Variants in FKBP3 observed in about 807,000 individuals in gnomAD.
FKBP3 encodes the protein peptidyl-prolyl cis-trans isomerase FKBP3.
A neutral mutation model predicts 30.6 loss-of-function variants in FKBP3; 21 were observed. The observed-to-expected ratio is 0.69, with a 90% CI of 0.49 to 0.99. The LOEUF (loss-of-function observed/expected upper bound fraction) is 0.99, where lower values mean the gene tolerates loss of function less well. Ranked by LOEUF, FKBP3 falls within the 50% of genes least tolerant of loss-of-function variation. The probability of loss-of-function intolerance (pLI) is 0.00; values close to 1 mark genes in which losing one functional copy is unlikely to be tolerated. For synonymous variants in FKBP3, 82 were observed against 91.3 expected, an observed-to-expected ratio of 0.90 and a Z score of 0.58; for missense variants, 283 against 261.6, an observed-to-expected ratio of 1.08 and a Z score of -0.56.
chr14:45,127,129 T>C (rs1885117981), intron 3 of FKBP3, among the ~76,000 whole-genome samples: 1 of 145,346 alleles, frequency 6.9e-6, no homozygotes, highest in Non-Finnish European at 1.5e-5. Context: ...TTTTTTTTTT[T>C]TGAGACAGAG....
chr14:45,118,215 C>CA lies in FKBP3; in HGVS notation c.523-91dup, dbSNP rs1423873974. ...GTCAAGACAAGATTGTATGTTAAAA[C>CA]AAACACAGAATCTATTACTATAGAT... On this transcript the variant is annotated intron_variant, in intron 5 of 6. Transcript: ENST00000396062. 3 of 720,976 alleles carry CA rather than the reference C, an allele frequency of 4.2e-6. No individual in the cohort carries two copies. The African/African-American group carries it at 5.5e-5, about 13-fold the overall frequency. 44.7% of individuals were successfully genotyped at this position (720,976 alleles called of 1,614,324 possible). A position where few individuals can be genotyped will look rare whatever the true frequency, so the allele number is the denominator to read the frequency against.
At chr14:45,118,881 A>C (rs932982163) in intron 5 of FKBP3, among the ~76,000 whole-genome samples, 6 of 151,854 alleles carry the variant, frequency 4.0e-5, no homozygotes, top group African/African-American at 1.5e-4. Flanking sequence ...TTTGAGATGG[A>C]GTTTCGCTCT....
chr14:45,126,169 G>A (rs1885092302), intron 3 of FKBP3, among the ~76,000 whole-genome samples: 2 of 151,056 alleles, frequency 1.3e-5, no homozygotes, highest in African/African-American at 4.8e-5. Context: ...GGGATAATAG[G>A]CGTGAGCCAC....
chr14:45,128,266 G>C (rs537474196), intron 3 of FKBP3, among the ~76,000 whole-genome samples: 19 of 152,334 alleles, frequency 1.2e-4, no homozygotes, highest in Middle Eastern at 3.4e-3. Flanking sequence ...GAACCCAGGA[G>C]GGGGAGGTTG....
At chr14:45,133,380 T>C (rs568169498) in intron 1 of FKBP3, 2 of 262,008 alleles carry the variant, frequency 7.6e-6, no homozygotes, top group South Asian at 2.9e-5. Flanking sequence ...GGCAGGAGAA[T>C]CGTTTGAACC....
intron 6 of FKBP3, among the ~76,000 whole-genome samples, chr14:45,116,615 G>C (rs1407541340): frequency 6.6e-6 from 1 of 152,070 alleles, no homozygotes; most frequent in East Asian, 1.9e-4. Context: ...CACCACTTTA[G>C]GAGGCTGAGG....
intron 1 of FKBP3, among the ~76,000 whole-genome samples, chr14:45,132,565 T>A (rs538034431): frequency 1.4e-4 from 21 of 151,646 alleles, no homozygotes; most frequent in Admixed American, 7.9e-4. Context: ...GCCCAGCTAA[T>A]TTTTTTTGTA....
chr14:45,133,533 T>C (rs1404471406), intron 1 of FKBP3: 1 of 155,016 alleles, frequency 6.5e-6, no homozygotes. Context: ...TTAAAAATTG[T>C]ATAGAAAACA....
Position 45,129,932 on chromosome 14 carries a change from A to G in FKBP3, c.211-31T>C, listed in dbSNP as rs1885179361. ...AGGAAAATGTTGTAACATCATACCC[A>G]GGACAGGCTAAAACCAAGAAGCAAC... On this transcript the variant is annotated intron_variant, in intron 2 of 6. Transcript: ENST00000396062. The G allele has an allele frequency of 4.2e-6, 6 of 1,441,242 alleles. No individual in the cohort carries two copies. In the East Asian group the frequency reaches 1.1e-4, roughly 27 times the overall value. 89.3% of individuals were successfully genotyped at this position (1,441,242 alleles called of 1,614,324 possible).
Position 45,123,219 on chromosome 14 carries a change from T to C in FKBP3, c.319-1599A>G, listed in dbSNP as rs1382822579. 2.0e-5 allele frequency among the ~76,000 whole-genome samples: 3 copies of C among 150,782 alleles called. No individual in the cohort carries two copies. The East Asian group carries it at 5.9e-4, about 29-fold the overall frequency. On this transcript the variant is annotated intron_variant, in intron 3 of 6. Coordinates refer to ENST00000396062, the MANE Select transcript of FKBP3 (RefSeq NM_002013.4). ...AAAAGTCTGATCTCCTTGCAAATAG[T>C]CTACCTCTTGGGCAAAAGATTCTCT...
chr14:45,122,200 C>T (rs1459288479), intron 3 of FKBP3, among the ~76,000 whole-genome samples: 5 of 152,094 alleles, frequency 3.3e-5, no homozygotes, highest in Non-Finnish European at 7.3e-5. Context: ...AAAAAGGTTA[C>T]ATATTAATCT....
chr14:45,121,644 C>T (rs370444052), intron 3 of FKBP3, 24 bp from the exon 4 acceptor site: 522 of 1,607,306 alleles, frequency 3.2e-4, no homozygotes, highest in Non-Finnish European at 4.2e-4. Flanking sequence ...ACAACACACA[C>T]ACACAGAGTT....
In FKBP3 at chr14:45,134,445, G is replaced by A. The variant is rs115291634; in HGVS notation, c.12C>T (p.Ala4=). 3.9e-4 allele frequency: 621 copies of A among 1,609,790 alleles called. 4 individuals carry two copies. In the African/African-American group the frequency reaches 7.1e-3, roughly 18 times the overall value. Residue 4 remains alanine (A), a synonymous_variant, in exon 1 of 7, where the codon GCC becomes GCT. Coordinates refer to ENST00000396062, the MANE Select transcript of FKBP3 (RefSeq NM_002013.4). MAA[A]VPQRAWTVEQ... ...CCACGGTCCACGCCCGCTGTGGAAC[G>A]GCCGCCGCCATCTTCCCCCGCTGCC... is the stretch of plus-strand genomic sequence containing the variant.
intron 5 of FKBP3, among the ~76,000 whole-genome samples, chr14:45,119,692 T>A (rs937859509): frequency 6.6e-6 from 1 of 150,788 alleles, no homozygotes; most frequent in African/African-American, 2.4e-5. Flanking sequence ...GGTAACAATT[T>A]TTTTTTTTTT....
chr14:45,125,059 G>C (rs1284295348), intron 3 of FKBP3, among the ~76,000 whole-genome samples: 4 of 152,180 alleles, frequency 2.6e-5, no homozygotes, highest in Non-Finnish European at 4.4e-5. Flanking sequence ...TGGGACTACA[G>C]GCATGAACCA....
chr14:45,116,984 C>T (rs572097784), intron 6 of FKBP3, among the ~76,000 whole-genome samples: 2 of 150,376 alleles, frequency 1.3e-5, no homozygotes, highest in Non-Finnish European at 3.0e-5. Context: ...CCCCGCCCCC[C>T]CCACCGAGAC....
intron 1 of FKBP3, chr14:45,133,424 G>A (rs1217278655): frequency 7.6e-5 from 15 of 197,456 alleles, no homozygotes; most frequent in South Asian, 3.4e-4. Context: ...CCGAGATCGC[G>A]CCACTGCACT....
At chr14:45,119,907 C>T (rs890333435) in intron 5 of FKBP3, among the ~76,000 whole-genome samples, 9 of 152,136 alleles carry the variant, frequency 5.9e-5, no homozygotes, top group African/African-American at 9.6e-5. Context: ...AGTATGGTCT[C>T]GATCTCCTGA....
At position 45,129,422 on chromosome 14, in the gene FKBP3, A is replaced by T. The variant is rs3825626; in HGVS notation, c.318+372T>A. On this transcript the variant is annotated intron_variant, in intron 3 of 6. Transcript: ENST00000396062. ...GCCTGGATTATTTCTATTGCCAGGG[A>T]CACCATGTACATTAGAAAAAGCTAA... 3.6e-4 allele frequency among the ~76,000 whole-genome samples: 55 copies of T among 152,372 alleles called. 1 individual carries two copies. In the East Asian group the frequency reaches 0.01, roughly 29 times the overall value.
Sources: allele counts gnomAD v4.1 joint callset (sites outside exome capture counted in the v4.1 genomes callset), GRCh38; gene constraint gnomAD v4.1.1; transcripts MANE v1.5; gene names NCBI Gene and HGNC (gene_info 2026-07-23, HGNC 2026-07-21).